Variants in AAK1 observed in about 807,000 individuals in gnomAD.
AAK1 encodes the protein AP2 associated kinase 1.
Under a neutral mutation model 116.0 loss-of-function variants are expected in AAK1, and 37 were observed. That is an observed-to-expected ratio of 0.32 (90% confidence interval 0.25 to 0.42). The LOEUF (loss-of-function observed/expected upper bound fraction) is 0.42, where lower values mean the gene tolerates loss of function less well. AAK1 is among the 10% of genes least tolerant of loss of function. AAK1 has a pLI of 1.00. For missense variants in AAK1, 919 were observed against 1,170.6 expected, an observed-to-expected ratio of 0.79 and a Z score of 3.14; for synonymous variants, 458 against 439.9, an observed-to-expected ratio of 1.04 and a Z score of -0.51.
rs891493061 is a variant in AAK1 at position 69,473,063 on chromosome 2, T to C, written c.*2806A>G. ...ATATAATAATATATACTTAGGACCC[T>C]ATACTTCTATAATCTTAAAGACCAT... is the stretch of plus-strand genomic sequence containing the variant. On this transcript the variant is annotated 3_prime_UTR_variant, in exon 22 of 22. Coordinates refer to ENST00000409085, the MANE Select transcript of AAK1 (RefSeq NM_014911.5). 13 of 957,410 alleles carry C rather than the reference T, an allele frequency of 1.4e-5. No homozygotes were observed. Among genetic ancestry groups the C allele is most frequent in the African/African-American group, 3.5e-5 (2 of 56,666 alleles). 59.3% of individuals were successfully genotyped at this position (957,410 alleles called of 1,614,324 possible). A position where few individuals can be genotyped will look rare whatever the true frequency, so the allele number is the denominator to read the frequency against.
chr2:69,621,988 G>A (rs560441973), intron 2 of AAK1, among the ~76,000 whole-genome samples: 48 of 152,370 alleles, frequency 3.2e-4, no homozygotes, highest in African/African-American at 1.1e-3. Flanking sequence ...GGCCGTGCTT[G>A]AGGAGCCCTT....
At chr2:69,604,003 C>T (rs901145179) in intron 2 of AAK1, among the ~76,000 whole-genome samples, 1 of 152,188 alleles carries the variant, frequency 6.6e-6, no homozygotes, top group Non-Finnish European at 1.5e-5. Context: ...CTTCCAGTTC[C>T]AAATAACTTT....
In AAK1 at chr2:69,643,052, G is replaced by C; in HGVS notation, c.-12C>G. On this transcript the variant is annotated 5_prime_UTR_variant, in exon 2 of 22. Coordinates refer to ENST00000409085, the MANE Select transcript of AAK1 (RefSeq NM_014911.5). ...AAAAACTTCTTCATCTTGCGAATAGGGAGCAGCAAAGCAAAATACCGATGG... is the reference window on the plus strand; with the variant it reads ...AAAAACTTCTTCATCTTGCGAATAGCGAGCAGCAAAGCAAAATACCGATGG... 6.3e-7 allele frequency: 1 copy of C among 1,578,198 alleles called. No homozygotes were observed. Among genetic ancestry groups the C allele is most frequent in the Non-Finnish European group, 8.6e-7 (1 of 1,165,138 alleles).
At chr2:69,534,201 C>T (rs13422347) in intron 5 of AAK1, among the ~76,000 whole-genome samples, 7,084 of 152,214 alleles carry the variant, frequency 0.047, 413 homozygotes, top group African/African-American at 0.14. Flanking sequence ...GAAAATGAGG[C>T]TCAGAGTGAT....
intron 17 of AAK1, among the ~76,000 whole-genome samples, chr2:69,487,079 C>T (rs1675326360): frequency 6.6e-6 from 1 of 152,186 alleles, no homozygotes; most frequent in African/African-American, 2.4e-5. Flanking sequence ...AGATATCTGA[C>T]CACACTGGAG....
intron 2 of AAK1, among the ~76,000 whole-genome samples, chr2:69,574,263 C>T (rs1413533184): frequency 1.3e-5 from 2 of 149,328 alleles, no homozygotes; most frequent in East Asian, 2.0e-4. Flanking sequence ...CCCAGCTACT[C>T]GGGAGGCTGG....
intron 13 of AAK1, among the ~76,000 whole-genome samples, chr2:69,512,819 A>G (rs569426609): frequency 6.6e-6 from 1 of 152,336 alleles, no homozygotes; most frequent in East Asian, 1.9e-4. Context: ...TTTGTGTAGG[A>G]GAAGCATAGG....
chr2:69,595,306 G>C (rs979872707), intron 2 of AAK1, among the ~76,000 whole-genome samples: 3 of 152,106 alleles, frequency 2.0e-5, no homozygotes, highest in Non-Finnish European at 4.4e-5. Context: ...AGTAGAGACG[G>C]GGTTTCACCA....
rs1674329554 is a variant in AAK1 at position 69,461,113 on chromosome 2, A to G, written c.*14756T>C. ...TACCATGATGGTCCCATAAGATTAT[A>G]CCATATTTTTACTGTACCTTTTCTA... On this transcript the variant is annotated 3_prime_UTR_variant, in exon 22 of 22. Transcript: ENST00000409085. 6.6e-6 allele frequency: 1 copy of G among 152,250 alleles called. No homozygotes were observed. 9.4% of individuals were successfully genotyped at this position (152,250 alleles called of 1,614,324 possible).
rs571382578 is a variant in AAK1 at position 69,571,461 on chromosome 2, T to G, written c.164-14483A>C. The stretch of plus-strand genomic sequence containing the variant: ...TGCTGTTGGGTTCTGGGAGGTTCCC[T>G]TGTACTTATCCAATACACTCCTTTT... On this transcript the variant is annotated intron_variant, in intron 2 of 21. Coordinates refer to ENST00000409085, the MANE Select transcript of AAK1 (RefSeq NM_014911.5). Among the ~76,000 whole-genome samples, 6 of 152,362 alleles carry G rather than the reference T, an allele frequency of 3.9e-5. 1 individual carries two copies. In the South Asian group the frequency reaches 1.2e-3, roughly 32 times the overall value.
chr2:69,515,804 G>A (rs927187401), intron 12 of AAK1, among the ~76,000 whole-genome samples: 7 of 151,158 alleles, frequency 4.6e-5, no homozygotes. Flanking sequence ...TGTCTACTGG[G>A]GCAAAGTTAA....
chr2:69,522,426 A>G (rs1669826711), intron 10 of AAK1, among the ~76,000 whole-genome samples: 1 of 152,156 alleles, frequency 6.6e-6, no homozygotes, highest in Non-Finnish European at 1.5e-5. Context: ...TATAAAGGCT[A>G]TCACATCTTG....
At chr2:69,614,927 A>T (rs1674256139) in intron 2 of AAK1, among the ~76,000 whole-genome samples, 1 of 152,096 alleles carries the variant, frequency 6.6e-6, no homozygotes, top group African/African-American at 2.4e-5. Flanking sequence ...TCTCCCCTGG[A>T]GCTTTTGAGG....
chr2:69,506,610 T>C (rs907467908), intron 15 of AAK1, among the ~76,000 whole-genome samples: 1 of 152,118 alleles, frequency 6.6e-6, no homozygotes, highest in African/African-American at 2.4e-5. Context: ...AGTGATTCTC[T>C]TGCCTCAGCC....
intron 2 of AAK1, among the ~76,000 whole-genome samples, chr2:69,601,575 AG>A (rs1673582098): frequency 6.6e-6 from 1 of 152,242 alleles, no homozygotes; most frequent in African/African-American, 2.4e-5. Flanking sequence ...AGGAACCCAA[AG>A]GTTACAAGCT....
chr2:69,604,380 A>G (rs1000650878), intron 2 of AAK1, among the ~76,000 whole-genome samples: 1 of 152,162 alleles, frequency 6.6e-6, no homozygotes, highest in Admixed American at 6.5e-5. Context: ...GCAGCTCTGC[A>G]GAGGCTGAGC....
chr2:69,551,269 G>C (rs1487542379), intron 3 of AAK1, among the ~76,000 whole-genome samples: 1 of 152,094 alleles, frequency 6.6e-6, no homozygotes. Context: ...AGAGCATCAG[G>C]AAGAATAGCT....
At position 69,611,271 on chromosome 2, in the gene AAK1, C is replaced by G. The variant is rs191274528; in HGVS notation, c.163+31607G>C. Among the ~76,000 whole-genome samples, 254 of 152,350 alleles carry G rather than the reference C, an allele frequency of 1.7e-3. 2 individuals are homozygous for G. The highest frequency in any genetic ancestry group is 5.5e-3 in the African/African-American group (227 of 41,586). ...CCTGCAGAGTCTTCTCGCTCTCTCT[C>G]TCTTCACATGCAGGACTCTTTGCTT... On this transcript the variant is annotated intron_variant, in intron 2 of 21. Transcript: ENST00000409085.
chr2:69,610,133 G>A (rs1674014540), intron 2 of AAK1, among the ~76,000 whole-genome samples: 1 of 151,456 alleles, frequency 6.6e-6, no homozygotes, highest in South Asian at 2.1e-4. Flanking sequence ...CATCAAAACA[G>A]TGTGGTACTG....
Sources: gnomAD v4.1 joint callset for allele counts (sites outside exome capture counted in the v4.1 genomes callset) on GRCh38, gnomAD v4.1.1 for gene constraint, MANE v1.5 for transcripts, NCBI Gene and HGNC (gene_info 2026-07-23, HGNC 2026-07-21) for gene names.